The following ERI3 variants were observed in gnomAD, a reference collection of about 807,000 sequenced individuals.
The protein encoded by ERI3 is ERI1 exoribonuclease 3.
In ERI3, 18 loss-of-function variants were observed where a neutral mutation model predicts 44.4. That is an observed-to-expected ratio of 0.41 (90% confidence interval 0.28 to 0.60). The LOEUF is 0.60. Ranked by LOEUF, ERI3 falls within the 20% of genes least tolerant of loss-of-function variation. The pLI is 0.36. For synonymous variants in ERI3, 183 were observed against 164.8 expected (o/e 1.11, Z -0.84); for missense variants, 294 against 435.5 (o/e 0.68, Z 2.89).
chr1:44,354,286 T>C, intron 1 of ERI3: 3 of 985,418 alleles, frequency 3.0e-6, no homozygotes, highest in South Asian at 9.4e-5. Flanking sequence ...GACACAACGA[T>C]GGGCACTATT....
chr1:44,318,384 A>G (rs1646133460), intron 4 of ERI3, among the ~76,000 whole-genome samples: 1 of 152,188 alleles, frequency 6.6e-6, no homozygotes, highest in African/African-American at 2.4e-5. Context: ...CATCATCATT[A>G]AAATGGTGAT....
intron 2 of ERI3, among the ~76,000 whole-genome samples, chr1:44,342,855 A>T (rs866658175): frequency 3.1e-4 from 9 of 28,742 alleles, no homozygotes; most frequent in African/African-American, 5.1e-4. Context: ...ATATATATAT[A>T]TATTTTTTTT....
At chr1:44,245,858 C>A (rs1444202167) in intron 8 of ERI3, among the ~76,000 whole-genome samples, 2 of 152,198 alleles carry the variant, frequency 1.3e-5, no homozygotes. Context: ...AGCCCCCAGC[C>A]AGTTCTTCCT....
At chr1:44,255,347 T>C (rs1386227861) in intron 7 of ERI3, among the ~76,000 whole-genome samples, 3 of 152,190 alleles carry the variant, frequency 2.0e-5, no homozygotes, top group Non-Finnish European at 4.4e-5. Flanking sequence ...GCCTGCTCCA[T>C]CTCTGAAACC....
At chr1:44,245,130 G>A (rs983955363) in intron 8 of ERI3, among the ~76,000 whole-genome samples, 4 of 152,142 alleles carry the variant, frequency 2.6e-5, no homozygotes, top group Non-Finnish European at 5.9e-5. Flanking sequence ...AACTCTTACA[G>A]CGCGACCCTT....
At chr1:44,248,702 A>AGTGTGTGTGTGTGTGTGT (rs143570480) in intron 7 of ERI3, among the ~76,000 whole-genome samples, 2 of 148,476 alleles carry the variant, frequency 1.3e-5, no homozygotes, top group South Asian at 2.2e-4. Context: ...TGTGAGAGAG[A>AGTGTGTGTGTGTGTGTGT]GTGTGTGTGT....
intron 2 of ERI3, among the ~76,000 whole-genome samples, chr1:44,343,109 A>C (rs1378455914): frequency 4.0e-5 from 6 of 151,640 alleles, no homozygotes; most frequent in East Asian, 1.9e-4. Context: ...AGATGAGCGC[A>C]TAACATCTTG....
rs1557766099 is a variant in ERI3, at chr1:44,228,692, A to G, written c.932-7052T>C. Among the ~76,000 whole-genome samples, 1 of 151,958 alleles carries G rather than the reference A, an allele frequency of 6.6e-6. No individual in the cohort carries two copies. Among genetic ancestry groups the G allele is most frequent in the Non-Finnish European group, 1.5e-5 (1 of 67,960 alleles). On this transcript the variant is annotated intron_variant, in intron 8 of 8. Transcript: ENST00000372257. This position sits in a 1 kb window ranked among gnomAD's most constrained non-coding sequence, Gnocchi z 4.3. Reference sequence around the variant, plus strand: ...CAGCCACTTGGGGGCAGTGGGGTGGAGGGGGGGATGTGCCTGGCCGGGAGG... The same window carrying G: ...CAGCCACTTGGGGGCAGTGGGGTGGGGGGGGGGATGTGCCTGGCCGGGAGG...
At chr1:44,314,884 T>C (rs1401497667) in intron 4 of ERI3, among the ~76,000 whole-genome samples, 1 of 152,200 alleles carries the variant, frequency 6.6e-6, no homozygotes, top group Non-Finnish European at 1.5e-5. Flanking sequence ...CCCCAACTAG[T>C]ACCGAGAGCC....
At chr1:44,223,243 C>T (rs544307971) in intron 8 of ERI3, among the ~76,000 whole-genome samples, 14 of 152,228 alleles carry the variant, frequency 9.2e-5, no homozygotes, top group African/African-American at 3.1e-4. Flanking sequence ...GTTTATGGGC[C>T]GGACACGCAC....
intron 7 of ERI3, among the ~76,000 whole-genome samples, chr1:44,279,874 A>G (rs1219804117): frequency 1.3e-5 from 2 of 152,252 alleles, no homozygotes; most frequent in Non-Finnish European, 1.5e-5. Flanking sequence ...TTATAGTAAC[A>G]CAAATTTTGC....
At chr1:44,259,875 C>CTAGATAGATAGATAGATAGA (rs71036672) in intron 7 of ERI3, among the ~76,000 whole-genome samples, 83 of 135,958 alleles carry the variant, frequency 6.1e-4, no homozygotes, top group East Asian at 1.1e-3. Flanking sequence ...GGAAAACCCT[C>CTAGATAGATAGATAGATAGA]TAGATAGATA....
chr1:44,227,303 G>A (rs962202159), intron 8 of ERI3, among the ~76,000 whole-genome samples: 1 of 152,222 alleles, frequency 6.6e-6, no homozygotes, highest in Admixed American at 6.5e-5. Flanking sequence ...ACCAGAAGAG[G>A]TAGGGTAGGG....
chr1:44,239,349 G>A (rs1032821148), intron 8 of ERI3, among the ~76,000 whole-genome samples: 3 of 152,202 alleles, frequency 2.0e-5, no homozygotes, highest in African/African-American at 4.8e-5. Context: ...CCATCTTGTG[G>A]CAAAAGGTCT....
intron 5 of ERI3, among the ~76,000 whole-genome samples, chr1:44,310,521 T>C (rs540676240): frequency 2.0e-4 from 31 of 152,018 alleles, no homozygotes; most frequent in Non-Finnish European, 3.7e-4. Flanking sequence ...AAGTCCACAG[T>C]ATATAGAAAG....
intron 1 of ERI3, chr1:44,354,429 C>A (rs1470868570): frequency 1.0e-6 from 1 of 985,230 alleles, no homozygotes; most frequent in African/African-American, 1.7e-5. Context: ...CAAGTTCATG[C>A]TTTTTTTAAG....
In ERI3 at chr1:44,221,565, G is replaced by A. The variant is rs1212623212; in HGVS notation, c.1007C>T (p.Pro336Leu). 9 of 1,613,978 alleles carry A rather than the reference G, an allele frequency of 5.6e-6. No homozygotes were observed. The highest frequency in any genetic ancestry group is 5.0e-5 in the Admixed American group (3 of 60,026). The change falls in exon 9 of 9, where the codon CCG becomes CTG. Residue 336 changes from proline (P) to leucine (L), a missense_variant. Transcript: ENST00000372257. This position sits in a 1 kb window ranked among gnomAD's most constrained non-coding sequence, Gnocchi z 5.9. ...CATCCTGTCCTCGGCCAATCAGAAC[G>A]GCTTCGATGTCTGCTTGAAGATGAA... ...RGFIFKQTSKPF is the reference protein window; with the variant it reads ...RGFIFKQTSKLF
intron 8 of ERI3, among the ~76,000 whole-genome samples, chr1:44,238,098 C>G (rs970540336): frequency 6.6e-6 from 1 of 152,144 alleles, no homozygotes; most frequent in Non-Finnish European, 1.5e-5. Flanking sequence ...CTCGATAACT[C>G]GCTAACGTGC....
At chr1:44,238,570 G>A (rs568608330) in intron 8 of ERI3, among the ~76,000 whole-genome samples, 2 of 152,232 alleles carry the variant, frequency 1.3e-5, no homozygotes, top group South Asian at 2.1e-4. Flanking sequence ...CCTGGCCACC[G>A]GAGTCAGCTT....
Sources: gnomAD v4.1 joint callset for allele counts (sites outside exome capture counted in the v4.1 genomes callset) on GRCh38, gnomAD v4.1.1 for gene constraint, Gnocchi (gnomAD v3.1) non-coding constraint, MANE v1.5 for transcripts, NCBI Gene and HGNC (gene_info 2026-07-23, HGNC 2026-07-21) for gene names.